CHSY3: variants seen among roughly 807,000 people sequenced by gnomAD.
The protein encoded by CHSY3 is chondroitin sulfate synthase 3.
In CHSY3, 35 loss-of-function variants were observed where a neutral mutation model predicts 67.2. The observed-to-expected ratio is 0.52, with a 90% confidence interval of 0.40 to 0.69. CHSY3 has a LOEUF of 0.69. CHSY3 is among the 30% of genes least tolerant of loss of function. The pLI, the probability that CHSY3 is intolerant of heterozygous loss-of-function variation, is 0.00. For missense variants in CHSY3, 1,069 were observed against 1,138.5 expected (o/e 0.94, Z 0.88); for synonymous variants, 474 against 434.7 (o/e 1.09, Z -1.12).
At chr5:130,132,818 G>A (rs934718781) in intron 2 of CHSY3, among the ~76,000 whole-genome samples, 9 of 152,074 alleles carry the variant, frequency 5.9e-5, no homozygotes, top group Non-Finnish European at 1.2e-4. Context: ...GCAATAACCA[G>A]GATGTTTCTC....
At chr5:129,936,002 A>T (rs979856531) in intron 2 of CHSY3, among the ~76,000 whole-genome samples, 9 of 152,226 alleles carry the variant, frequency 5.9e-5, no homozygotes, top group Admixed American at 4.6e-4. Flanking sequence ...CTGAAAAAAA[A>T]TCTGAATTTC....
In CHSY3 at chr5:130,186,027, T is replaced by C. The variant is rs1410073677; in HGVS notation, c.*236T>C. ...TACTGAAGTCAATATGTTATTACTT[T>C]TATATAACTTTATTTGAGATTGAGT... On this transcript the variant is annotated 3_prime_UTR_variant, in exon 3 of 3. Transcript: ENST00000305031. 4.1e-6 allele frequency: 1 copy of C among 242,210 alleles called. No homozygotes were observed. The highest frequency in any genetic ancestry group is 7.8e-6 in the Non-Finnish European group (1 of 128,574). 15.0% of individuals were successfully genotyped at this position (242,210 alleles called of 1,614,324 possible).
intron 2 of CHSY3, among the ~76,000 whole-genome samples, chr5:130,089,255 G>A (rs1395550144): frequency 5.4e-5 from 8 of 149,046 alleles, no homozygotes; most frequent in Non-Finnish European, 1.5e-5. Flanking sequence ...ATAGCATTAG[G>A]AGATATACCT....
intron 2 of CHSY3, among the ~76,000 whole-genome samples, chr5:130,031,491 GT>G (rs965387906): frequency 1.8e-4 from 27 of 152,074 alleles, no homozygotes; most frequent in Non-Finnish European, 2.6e-4. Context: ...AGATGGGTGG[GT>G]ATTTGTTTAC....
At chr5:130,152,229 TAGC>T in intron 2 of CHSY3, among the ~76,000 whole-genome samples, 1 of 152,212 alleles carries the variant, frequency 6.6e-6, no homozygotes, top group Non-Finnish European at 1.5e-5. Context: ...GAAAAAATAA[TAGC>T]AGAATAGTTG....
At chr5:129,995,229 C>G (rs1398870764) in intron 2 of CHSY3, among the ~76,000 whole-genome samples, 2 of 151,922 alleles carry the variant, frequency 1.3e-5, no homozygotes, top group African/African-American at 4.8e-5. Context: ...ATGTGTATAT[C>G]CTTTTTGTAA....
At chr5:130,137,287 A>G (rs1447908140) in intron 2 of CHSY3, among the ~76,000 whole-genome samples, 3 of 152,154 alleles carry the variant, frequency 2.0e-5, no homozygotes, top group Non-Finnish European at 4.4e-5. Context: ...CTTTTCCTTT[A>G]TCAGTCCTGT....
At chr5:130,089,975 A>C (rs757497989) in intron 2 of CHSY3, among the ~76,000 whole-genome samples, 9 of 152,168 alleles carry the variant, frequency 5.9e-5, no homozygotes, top group African/African-American at 1.2e-4. Flanking sequence ...CCAGCTAAAC[A>C]CAGTAGAGGG....
At chr5:129,969,808 T>C (rs1032584323) in intron 2 of CHSY3, among the ~76,000 whole-genome samples, 1 of 151,864 alleles carries the variant, frequency 6.6e-6, no homozygotes, top group African/African-American at 2.4e-5. Context: ...AATAGAAGCT[T>C]GAGAAAAATA....
chr5:129,966,301 A>G (rs1361258493), intron 2 of CHSY3, among the ~76,000 whole-genome samples: 1 of 151,850 alleles, frequency 6.6e-6, no homozygotes, highest in African/African-American at 2.4e-5. Context: ...TTGGCAAGTG[A>G]AAATAAGGCC....
intron 2 of CHSY3, among the ~76,000 whole-genome samples, chr5:129,999,426 C>T (rs538636868): frequency 6.6e-6 from 1 of 152,056 alleles, no homozygotes; most frequent in Non-Finnish European, 1.5e-5. Flanking sequence ...GTGTGTATTA[C>T]AGTAAGAACT....
At chr5:130,098,577 C>A (rs1298163950) in intron 2 of CHSY3, among the ~76,000 whole-genome samples, 1 of 152,086 alleles carries the variant, frequency 6.6e-6, no homozygotes, top group African/African-American at 2.4e-5. Flanking sequence ...ATAACGTTTA[C>A]CTTAAAGTGT....
At chr5:130,003,581 T>C (rs572771200) in intron 2 of CHSY3, among the ~76,000 whole-genome samples, 5 of 152,092 alleles carry the variant, frequency 3.3e-5, no homozygotes, top group African/African-American at 9.7e-5. Context: ...CACATGTTCA[T>C]GTACTCTGAA....
chr5:130,090,499 A>G (rs568701648), intron 2 of CHSY3, among the ~76,000 whole-genome samples: 14 of 152,270 alleles, frequency 9.2e-5, no homozygotes, highest in African/African-American at 3.4e-4. Context: ...CCCTTTTTCA[A>G]GGATATGCGT....
chr5:130,114,393 T>C (rs752817674), intron 2 of CHSY3: 1 of 152,108 alleles, frequency 6.6e-6, no homozygotes, highest in Non-Finnish European at 1.5e-5. Flanking sequence ...AAGTTAGAAA[T>C]GTGGAAAAAG....
chr5:129,972,557 C>T (rs548677822), intron 2 of CHSY3, among the ~76,000 whole-genome samples: 1 of 151,860 alleles, frequency 6.6e-6, no homozygotes, highest in South Asian at 2.1e-4. Context: ...TAGGGACTCT[C>T]CAAGAAATCT....
chr5:130,147,949 A>G (rs1314205607), intron 2 of CHSY3, among the ~76,000 whole-genome samples: 5 of 151,948 alleles, frequency 3.3e-5, no homozygotes, highest in Non-Finnish European at 7.4e-5. Context: ...TTATTTTGTT[A>G]CCCAAGTATT....
At chr5:130,071,002 A>G (rs1170667568) in intron 2 of CHSY3, among the ~76,000 whole-genome samples, 5 of 152,088 alleles carry the variant, frequency 3.3e-5, no homozygotes, top group South Asian at 4.1e-4. Context: ...ATTTATCTAT[A>G]TAAGTCTATG....
chr5:130,171,247 C>T (rs1321017087), intron 2 of CHSY3, among the ~76,000 whole-genome samples: 3 of 152,116 alleles, frequency 2.0e-5, no homozygotes, highest in African/African-American at 7.2e-5. Flanking sequence ...TCTATATAGT[C>T]ACTCTGAATA....
Sources: allele counts gnomAD v4.1 joint callset (sites outside exome capture counted in the v4.1 genomes callset), GRCh38; gene constraint gnomAD v4.1.1; transcripts MANE v1.5; gene names NCBI Gene and HGNC (gene_info 2026-07-23, HGNC 2026-07-21).